Variants in SCAF4 observed in about 807,000 individuals in gnomAD.
SCAF4 encodes the protein SR-related CTD associated factor 4.
Under a neutral mutation model 129.8 loss-of-function variants are expected in SCAF4, and 25 were observed. The observed-to-expected ratio is 0.19, with a 90% CI of 0.14 to 0.27. The LOEUF (loss-of-function observed/expected upper bound fraction) is 0.27. Among genes scored for constraint, SCAF4 ranks in the 10% least tolerant of loss-of-function variants. The pLI is 1.00. For missense variants in SCAF4, 1,246 were observed against 1,457.1 expected (o/e 0.86, Z 2.36); for synonymous variants, 551 against 497.7 (o/e 1.11, Z -1.43).
intron 1 of SCAF4, among the ~76,000 whole-genome samples, chr21:31,730,433 T>C (rs2051320234): frequency 6.6e-6 from 1 of 152,212 alleles, no homozygotes; most frequent in Non-Finnish European, 1.5e-5. Flanking sequence ...ATAATTTATA[T>C]GGCAATAAAT....
intron 1 of SCAF4, among the ~76,000 whole-genome samples, chr21:31,721,517 C>T (rs1423062126): frequency 6.6e-6 from 1 of 152,114 alleles, no homozygotes; most frequent in Non-Finnish European, 1.5e-5. Flanking sequence ...TGACAGAATG[C>T]ATTAAGATAT....
intron 2 of SCAF4, 80 bp downstream of exon 2, chr21:31,706,194 G>A: frequency 2.1e-6 from 2 of 949,976 alleles, no homozygotes; most frequent in Non-Finnish European, 3.2e-6. Flanking sequence ...TAATTCACAA[G>A]TTGACTTCTC....
chr21:31,712,114 C>T (rs889598309), intron 1 of SCAF4, among the ~76,000 whole-genome samples: 3 of 152,108 alleles, frequency 2.0e-5, no homozygotes, highest in African/African-American at 7.2e-5. Flanking sequence ...GTTATACATT[C>T]AGAAATTCTT....
intron 1 of SCAF4, chr21:31,706,588 C>T (rs916325489): frequency 4.1e-6 from 2 of 493,582 alleles, no homozygotes; most frequent in South Asian, 2.9e-5. Context: ...AAAGGGGTGG[C>T]GAAGGGGTAG....
At position 31,711,515 on chromosome 21, in the gene SCAF4, T is replaced by C. The variant is rs76211779; in HGVS notation, c.31-5158A>G. Reference sequence around the variant, plus strand: ...AACAACCTTTATGGTGAGGCAGATGTTATCATTCCATTTTACAGATGATAG... The same window carrying C: ...AACAACCTTTATGGTGAGGCAGATGCTATCATTCCATTTTACAGATGATAG... On this transcript the variant is annotated intron_variant, in intron 1 of 19. Transcript: ENST00000286835. Among the ~76,000 whole-genome samples, 745 of 152,350 alleles carry C rather than the reference T, an allele frequency of 4.9e-3. 7 individuals carry two copies. Among genetic ancestry groups the C allele is most frequent in the African/African-American group, 0.017 (702 of 41,580 alleles).
In SCAF4 at chr21:31,694,883, G is replaced by C. The variant is rs953534277; in HGVS notation, c.1166C>G (p.Pro389Arg). 1 of 1,614,004 alleles carries C rather than the reference G, an allele frequency of 6.2e-7. No homozygotes were observed. Among genetic ancestry groups the C allele is most frequent in the Non-Finnish European group, 8.5e-7 (1 of 1,179,966 alleles). Residue 389 changes from proline (P) to arginine (R), a missense_variant, in exon 10 of 20, where the codon CCA becomes CGA. Around this residue, in one of 6 missense-constraint regions of SCAF4, gnomAD observed 236 missense variants for 210.0 expected, o/e 1.12. Coordinates refer to ENST00000286835, the MANE Select transcript of SCAF4 (RefSeq NM_020706.2). ...AGAAGCTTGGAAAGGCTGCTGCACT[G>C]GTGGAGTTGGAGGAATCACAGGCTG... ...MAQPVIPPTP[P>R]VQQPFQASFQ...
chr21:31,719,621 C>T (rs1039266804), intron 1 of SCAF4, among the ~76,000 whole-genome samples: 1 of 152,110 alleles, frequency 6.6e-6, no homozygotes, highest in Non-Finnish European at 1.5e-5. Context: ...TCTCCTGCCT[C>T]AGCCTCCCGA....
At chr21:31,674,343 A>T (rs146410152) in intron 19 of SCAF4, among the ~76,000 whole-genome samples, 63 of 152,354 alleles carry the variant, frequency 4.1e-4, no homozygotes, top group African/African-American at 1.4e-3. Context: ...CTTGTTTGAT[A>T]CATGTGGATA....
At chr21:31,727,153 A>C (rs1254433857) in intron 1 of SCAF4, among the ~76,000 whole-genome samples, 1 of 151,944 alleles carries the variant, frequency 6.6e-6, no homozygotes, top group Admixed American at 6.6e-5. Context: ...ATCTCGGTTC[A>C]CTGCAACCTC....
At chr21:31,716,919 T>C (rs1345969638) in intron 1 of SCAF4, among the ~76,000 whole-genome samples, 4 of 152,138 alleles carry the variant, frequency 2.6e-5, no homozygotes, top group African/African-American at 9.7e-5. Context: ...CAATGGTACA[T>C]ACACACAGTA....
At chr21:31,679,238 T>C (rs1013675528) in intron 19 of SCAF4, among the ~76,000 whole-genome samples, 4 of 152,204 alleles carry the variant, frequency 2.6e-5, no homozygotes, top group South Asian at 2.1e-4. Context: ...TGTGGCACTT[T>C]GCATGAACTA....
At chr21:31,677,264 C>T (rs1601177701) in intron 19 of SCAF4, among the ~76,000 whole-genome samples, 1 of 152,144 alleles carries the variant, frequency 6.6e-6, no homozygotes, top group Non-Finnish European at 1.5e-5. Flanking sequence ...ACCTACATAA[C>T]AACCGAGCAC....
rs2049686307 is a variant in SCAF4 at position 31,671,363 on chromosome 21, GAAGTGTCACTGTC to G, written c.*23_*35del. ...GTACACCTCAAGCTCTACACTCCAG[GAAGTGTCACTGTC>G]ACATTTTCACAAATTCCAGTCTCTA... is the stretch of plus-strand genomic sequence containing the variant. On this transcript the variant is annotated 3_prime_UTR_variant, in exon 20 of 20. Coordinates refer to ENST00000286835, the MANE Select transcript of SCAF4 (RefSeq NM_020706.2). 1 of 1,595,174 alleles carries G rather than the reference GAAGTGTCACTGTC, an allele frequency of 6.3e-7. No individual in the cohort carries two copies. The highest frequency in any genetic ancestry group is 8.5e-7 in the Non-Finnish European group (1 of 1,170,904).
At chr21:31,691,729 G>C in intron 14 of SCAF4, 88 bp downstream of exon 14, 1 of 397,186 alleles carries the variant, frequency 2.5e-6, no homozygotes, top group Non-Finnish European at 4.4e-6. Context: ...AAGTCATTTC[G>C]AAGACCCAAA....
At chr21:31,729,963 TAAG>T (rs2051308479) in intron 1 of SCAF4, among the ~76,000 whole-genome samples, 1 of 152,246 alleles carries the variant, frequency 6.6e-6, no homozygotes, top group African/African-American at 2.4e-5. Flanking sequence ...CTTCTGATCT[TAAG>T]AATAAACTAA....
chr21:31,724,786 TTC>T (rs1397489557), intron 1 of SCAF4, among the ~76,000 whole-genome samples: 6 of 152,332 alleles, frequency 3.9e-5, no homozygotes, highest in African/African-American at 1.2e-4. Flanking sequence ...TTAACCTGAA[TTC>T]TGTTTCACAA....
intron 1 of SCAF4, among the ~76,000 whole-genome samples, chr21:31,718,290 A>C (rs2050988783): frequency 6.6e-6 from 1 of 151,716 alleles, no homozygotes; most frequent in Non-Finnish European, 1.5e-5. Context: ...TGTCCCTTTA[A>C]TTATTGATAT....
intron 19 of SCAF4, among the ~76,000 whole-genome samples, chr21:31,681,393 G>A (rs1451682496): frequency 1.3e-5 from 2 of 151,948 alleles, no homozygotes; most frequent in Non-Finnish European, 2.9e-5. Context: ...TTTATTGTTT[G>A]GAACACCAAA....
At chr21:31,725,031 G>A (rs1198806579) in intron 1 of SCAF4, among the ~76,000 whole-genome samples, 1 of 152,010 alleles carries the variant, frequency 6.6e-6, no homozygotes, top group Non-Finnish European at 1.5e-5. Flanking sequence ...GAATTCCCTG[G>A]GTCAAGAAAG....
Sources: gnomAD v4.1 joint callset for allele counts (sites outside exome capture counted in the v4.1 genomes callset) on GRCh38, gnomAD v4.1.1 for gene constraint, gnomAD v4.1.1 regional missense constraint, MANE v1.5 for transcripts, NCBI Gene and HGNC (gene_info 2026-07-23, HGNC 2026-07-21) for gene names.